PRMT5: variants seen among roughly 807,000 people sequenced by gnomAD.
PRMT5 encodes protein arginine methyltransferase 5.
PRMT5 carries 15 observed loss-of-function variants against 84.0 expected under a neutral mutation model. The ratio of observed to expected loss-of-function variants is 0.18; its 90% CI spans 0.12 to 0.28. The LOEUF (loss-of-function observed/expected upper bound fraction) is 0.28, where lower values mean the gene tolerates loss of function less well. Ranked by LOEUF, PRMT5 falls within the 10% of genes least tolerant of loss-of-function variation. PRMT5 has a pLI of 1.00. For missense variants in PRMT5, 486 were observed against 808.0 expected (o/e 0.60, Z 4.83); for synonymous variants, 276 against 292.4 (o/e 0.94, Z 0.57).
At chr14:22,921,800 T>G (rs2044302680) in intron 16 of PRMT5, among the ~76,000 whole-genome samples, 1 of 147,816 alleles carries the variant, frequency 6.8e-6, no homozygotes. Context: ...GAGAATGGCA[T>G]GAACCCGGGA....
At position 22,924,618 on chromosome 14, in the gene PRMT5, G is replaced by T; in HGVS notation, c.1017+14C>A. 6.2e-7 allele frequency: 1 copy of T among 1,613,558 alleles called. No homozygotes were observed. Among genetic ancestry groups the T allele is most frequent in the Non-Finnish European group, 8.5e-7 (1 of 1,179,608 alleles). On this transcript the variant is annotated intron_variant, in intron 9 of 16. Transcript: ENST00000324366. The surrounding 1 kb of genome is among the most constrained non-coding windows in gnomAD (Gnocchi z 6.5). The stretch of plus-strand genomic sequence containing the variant: ...TGGCCCTGTGCTTTCCTCACCCTGG[G>T]CACCACACAGTACCTGCTGGTACTG...
At position 22,927,571 on chromosome 14, in the gene PRMT5, G is replaced by A. The variant is rs2044450974; in HGVS notation, c.405C>T (p.Ala135=). The change falls in exon 4 of 17, where the codon GCC becomes GCT. Residue 135 remains alanine (A), a synonymous_variant. Transcript: ENST00000324366. ...TGTGGATGTGGTTGGTCAAAACTCTGGCCAGGTTGGTGTTATCTTCCTGAT... is the reference window on the plus strand; with the variant it reads ...TGTGGATGTGGTTGGTCAAAACTCTAGCCAGGTTGGTGTTATCTTCCTGAT... ...PLNQEDNTNL[A]RVLTNHIHTG... The A allele has an allele frequency of 2.5e-6, 4 of 1,614,046 alleles. No homozygotes were observed. Among genetic ancestry groups the A allele is most frequent in the Non-Finnish European group, 2.5e-6 (3 of 1,180,006 alleles).
In PRMT5 at chr14:22,924,865, C is replaced by T; in HGVS notation, c.939+14G>A. On this transcript the variant is annotated intron_variant, in intron 8 of 16. Coordinates refer to ENST00000324366, the MANE Select transcript of PRMT5 (RefSeq NM_006109.5). The surrounding 1 kb of genome is among the most constrained non-coding windows in gnomAD (Gnocchi z 6.5). ...CCATCCCACCTTCCTCCTCTAAGTG[C>T]ACTCCAGACCCACCTGAAGCGGGGA... 1 of 1,611,970 alleles carries T rather than the reference C, an allele frequency of 6.2e-7. No homozygotes were observed. The highest frequency in any genetic ancestry group is 8.5e-7 in the Non-Finnish European group (1 of 1,178,744).
chr14:22,924,951 C>T lies in PRMT5; in HGVS notation c.867G>A (p.Gln289=). Reference sequence around the variant, plus strand: ...CATAGGCATTAGGTGGAGGACGGTTCTGGCTTAAGTATTCCAGGTATTGGA... The same window carrying T: ...CATAGGCATTAGGTGGAGGACGGTTTTGGCTTAAGTATTCCAGGTATTGGA... ...SYLQYLEYLS[Q]NRPPPNAYEL... The change falls in exon 8 of 17, where the codon CAG becomes CAA. Residue 289 remains glutamine, a synonymous_variant. Transcript: ENST00000324366. This position sits in a 1 kb window ranked among gnomAD's most constrained non-coding sequence, Gnocchi z 6.5. 6.2e-7 allele frequency: 1 copy of T among 1,614,148 alleles called. No homozygotes were observed. Among genetic ancestry groups the T allele is most frequent in the African/African-American group, 1.3e-5 (1 of 75,022 alleles).
rs1355682700 is a variant in PRMT5 at position 22,922,840 on chromosome 14, C to CA, written c.1486-6dup. 1.7e-5 allele frequency: 27 copies of CA among 1,612,368 alleles called. No individual in the cohort carries two copies. Among genetic ancestry groups the CA allele is most frequent in the Non-Finnish European group, 2.0e-5 (24 of 1,178,920 alleles). On this transcript the variant is annotated splice_region_variant and splice_polypyrimidine_tract_variant and intron_variant, in intron 13 of 16. Coordinates refer to ENST00000324366, the MANE Select transcript of PRMT5 (RefSeq NM_006109.5). ...ATAAGGCATCTCAAACTGGGCCTGT[C>CA]AGAGACAGAAAGAGAGAGAGAGTGT...
chr14:22,920,875 C>T lies in PRMT5; in HGVS notation c.*29G>A, dbSNP rs2044266460. On this transcript the variant is annotated 3_prime_UTR_variant, in exon 17 of 17. Transcript: ENST00000324366. ...ACAGGAGCAGAACCTGAAGCTGCTT[C>T]CAAGGCTCTGGACACTTGGCACGCA... 1 of 1,612,634 alleles carries T rather than the reference C, an allele frequency of 6.2e-7. No individual in the cohort carries two copies.
At position 22,924,872 on chromosome 14, in the gene PRMT5, G is replaced by A. The variant is rs1245547422; in HGVS notation, c.939+7C>T. 1 of 1,613,908 alleles carries A rather than the reference G, an allele frequency of 6.2e-7. No homozygotes were observed. On this transcript the variant is annotated splice_region_variant and intron_variant, in intron 8 of 16. Transcript: ENST00000324366. The surrounding 1 kb of genome is among the most constrained non-coding windows in gnomAD (Gnocchi z 6.5). ...ACCTTCCTCCTCTAAGTGCACTCCA[G>A]ACCCACCTGAAGCGGGGACTGCAGA...
At chr14:22,926,102 G>C in intron 7 of PRMT5, 31 bp downstream of exon 7, 4 of 1,565,924 alleles carry the variant, frequency 2.6e-6, no homozygotes, top group Non-Finnish European at 2.6e-6. Flanking sequence ...ATGTATAGCT[G>C]GACTACCTTT....
intron 3 of PRMT5, 70 bp from the exon 4 acceptor site, chr14:22,927,730 C>T (rs1376369541): frequency 7.7e-6 from 11 of 1,433,818 alleles, no homozygotes; most frequent in Non-Finnish European, 1.0e-5. Context: ...TTTTTTGAGA[C>T]AAAGTCTCAC....
intron 13 of PRMT5, 47 bp from the exon 14 acceptor site, chr14:22,922,882 G>C: frequency 6.4e-7 from 1 of 1,565,184 alleles, no homozygotes; most frequent in South Asian, 1.1e-5. Flanking sequence ...AGACACACAA[G>C]AGAGAACTAC....
In PRMT5 at chr14:22,928,476, G is replaced by T. The variant is rs772121617; in HGVS notation, c.229+21C>A. On this transcript the variant is annotated intron_variant, in intron 2 of 16. Coordinates refer to ENST00000324366, the MANE Select transcript of PRMT5 (RefSeq NM_006109.5). The surrounding 1 kb of genome is among the most constrained non-coding windows in gnomAD (Gnocchi z 4.8). ...TTGTTATTGCCTCTAATAATTAAGG[G>T]GCATATGGGATGGTCCCTACCCCTT... The T allele has an allele frequency of 3.2e-6, 5 of 1,549,988 alleles. No individual in the cohort carries two copies. The Admixed American group carries it at 8.4e-5, about 26-fold the overall frequency.
Position 22,923,191 on chromosome 14 carries a change from G to C in PRMT5, c.1376-31C>G. On this transcript the variant is annotated intron_variant, in intron 12 of 16. Transcript: ENST00000324366. The surrounding 1 kb of genome is among the most constrained non-coding windows in gnomAD (Gnocchi z 5.2). ...CAGCAGGAGAGTCAAATTAGTTCCAGAGGGAGGGAAATGGTATGTCTGTAC... is the reference window on the plus strand; with the variant it reads ...CAGCAGGAGAGTCAAATTAGTTCCACAGGGAGGGAAATGGTATGTCTGTAC... 1 of 1,515,792 alleles carries C rather than the reference G, an allele frequency of 6.6e-7. No individual in the cohort carries two copies. Among genetic ancestry groups the C allele is most frequent in the South Asian group, 1.2e-5 (1 of 86,072 alleles). The allele number at this position is 1,515,792 out of a possible 1,614,324, so 93.9% of individuals were successfully genotyped here. A position where few individuals can be genotyped will look rare whatever the true frequency, so the allele number is the denominator to read the frequency against.
rs746702158 is a variant in PRMT5, at chr14:22,924,545, G to A, written c.1018-8C>T. Reference sequence around the variant, plus strand: ...CAGACATTTATAGATGGCCTGGAGGGAGGAGAGAATATCCCATGGTTGTAA... The same window carrying A: ...CAGACATTTATAGATGGCCTGGAGGAAGGAGAGAATATCCCATGGTTGTAA... On this transcript the variant is annotated splice_region_variant and splice_polypyrimidine_tract_variant and intron_variant, in intron 9 of 16. Transcript: ENST00000324366. The surrounding 1 kb of genome is among the most constrained non-coding windows in gnomAD (Gnocchi z 6.5). 10 of 1,613,896 alleles carry A rather than the reference G, an allele frequency of 6.2e-6. No individual in the cohort carries two copies. The highest frequency in any genetic ancestry group is 8.5e-6 in the Non-Finnish European group (10 of 1,179,802).
intron 13 of PRMT5, 97 bp downstream of exon 13, chr14:22,922,954 C>T: frequency 7.2e-7 from 1 of 1,391,468 alleles, no homozygotes; most frequent in Non-Finnish European, 1.0e-6. Flanking sequence ...TTCTCCTTCA[C>T]CTCTTCATCC....
At position 22,920,881 on chromosome 14, in the gene PRMT5, C is replaced by T. The variant is rs1475551209; in HGVS notation, c.*23G>A. 1.9e-6 allele frequency: 3 copies of T among 1,613,548 alleles called. No homozygotes were observed. Among genetic ancestry groups the T allele is most frequent in the East Asian group, 4.5e-5 (2 of 44,870 alleles). On this transcript the variant is annotated 3_prime_UTR_variant, in exon 17 of 17. Coordinates refer to ENST00000324366, the MANE Select transcript of PRMT5 (RefSeq NM_006109.5). ...GCAGAACCTGAAGCTGCTTCCAAGG[C>T]TCTGGACACTTGGCACGCAGGGCTA...
intron 13 of PRMT5, 49 bp downstream of exon 13, chr14:22,922,999 AAAG>A (rs1288137947): frequency 7.4e-6 from 11 of 1,482,426 alleles, no homozygotes; most frequent in Non-Finnish European, 1.0e-5. Flanking sequence ...AAATACAGAA[AAAG>A]AAGAGGACTA....
At chr14:22,926,869 A>C in intron 4 of PRMT5, 55 bp from the exon 5 acceptor site, 1 of 1,281,308 alleles carries the variant, frequency 7.8e-7, no homozygotes, top group Non-Finnish European at 1.1e-6. Flanking sequence ...TTGGGTCCAG[A>C]AAGTTTCCCT....
At chr14:22,925,150 T>C in intron 7 of PRMT5, 110 bp from the exon 8 acceptor site, 2 of 1,004,624 alleles carry the variant, frequency 2.0e-6, no homozygotes, top group Non-Finnish European at 2.8e-6. Flanking sequence ...TCAACAGTTC[T>C]CTTTTTTTTT....
chr14:22,926,075 C>A, intron 7 of PRMT5, 58 bp downstream of exon 7: 1 of 1,490,766 alleles, frequency 6.7e-7, no homozygotes, highest in Admixed American at 1.9e-5. Context: ...CGATCATACA[C>A]AGGTAAATAA....
Sources: allele counts gnomAD v4.1 joint callset (sites outside exome capture counted in the v4.1 genomes callset), GRCh38; gene constraint gnomAD v4.1.1; non-coding constraint Gnocchi (gnomAD v3.1); transcripts MANE v1.5; gene names NCBI Gene and HGNC (gene_info 2026-07-23, HGNC 2026-07-21).